The following IL1RAPL2 variants were observed in gnomAD, a reference collection of about 807,000 sequenced individuals.
The protein encoded by IL1RAPL2 is X-linked interleukin-1 receptor accessory protein-like 2.
A neutral mutation model predicts 44.1 loss-of-function variants in IL1RAPL2; 3 were observed. The observed-to-expected ratio is 0.07, with a 90% confidence interval of 0.03 to 0.18. The LOEUF (loss-of-function observed/expected upper bound fraction) is 0.18. Ranked by LOEUF, IL1RAPL2 falls within the 10% of genes least tolerant of loss-of-function variation. The pLI, the probability that IL1RAPL2 is intolerant of heterozygous loss-of-function variation, is 1.00. For missense variants in IL1RAPL2, 391 were observed against 496.4 expected (o/e 0.79, Z 2.02); for synonymous variants, 181 against 178.8 (o/e 1.01, Z -0.10).
Position 104,958,721 on chromosome X carries a change from TTTA to T in IL1RAPL2, c.83-236748_83-236746del, listed in dbSNP as rs200911486. 6.8e-4 allele frequency among the ~76,000 whole-genome samples: 73 copies of T among 107,983 alleles called. No homozygotes were observed. In the East Asian group the frequency reaches 0.02, roughly 30 times the overall value. The allele number at this position is 107,983 out of a possible 115,157, so 93.8% of individuals were successfully genotyped here. A position where few individuals can be genotyped will look rare whatever the true frequency, so the allele number is the denominator to read the frequency against. On this transcript the variant is annotated intron_variant, in intron 2 of 10. Transcript: ENST00000372582. The stretch of plus-strand genomic sequence containing the variant: ...AATGCATTATCAAAATTATTTAATT[TTTA>T]TTATTTATAGGCTTCTTATCAAGCC...
chrX:105,499,483 C>A (rs2147781668), intron 6 of IL1RAPL2, among the ~76,000 whole-genome samples: 1 of 111,305 alleles, frequency 9.0e-6, no homozygotes, highest in African/African-American at 3.3e-5. Context: ...TATTTGCAAG[C>A]CATATATTTA....
At chrX:104,860,521 T>C (rs1680044869) in intron 2 of IL1RAPL2, among the ~76,000 whole-genome samples, 1 of 111,505 alleles carries the variant, frequency 9.0e-6, no homozygotes, top group Non-Finnish European at 1.9e-5. Flanking sequence ...TCGTAGAACA[T>C]GCACAGAAAT....
At chrX:104,848,409 G>GTATA (rs35503754) in intron 2 of IL1RAPL2, among the ~76,000 whole-genome samples, 693 of 64,708 alleles carry the variant, frequency 0.011, 5 homozygotes, top group African/African-American at 0.013. Context: ...ATTTTTATCT[G>GTATA]TATATATATA....
intron 2 of IL1RAPL2, among the ~76,000 whole-genome samples, chrX:104,914,585 T>C (rs953028548): frequency 9.0e-6 from 1 of 111,305 alleles, no homozygotes; most frequent in Non-Finnish European, 1.9e-5. Context: ...TATTATTATA[T>C]TTTAAGTTTT....
At chrX:105,074,218 A>T (rs2147540731) in intron 2 of IL1RAPL2, among the ~76,000 whole-genome samples, 1 of 111,887 alleles carries the variant, frequency 8.9e-6, no homozygotes, top group South Asian at 3.7e-4. Flanking sequence ...TAATTTTTGT[A>T]TAAGGTGTAA....
chrX:104,582,602 TTCTTTCTTTCTTTC>T (rs1569487415), intron 1 of IL1RAPL2, among the ~76,000 whole-genome samples: 26,552 of 83,080 alleles, frequency 0.32, 3,760 homozygotes, highest in East Asian at 0.58. Context: ...TTCTTTTTCT[TTCTTTCTTTCTTTC>T]TTTCTTTCTT....
chrX:105,374,676 C>T (rs980823363), intron 5 of IL1RAPL2, among the ~76,000 whole-genome samples: 1 of 110,920 alleles, frequency 9.0e-6, no homozygotes, highest in Non-Finnish European at 1.9e-5. Context: ...AGGCCAGGCA[C>T]GGTGGCTTAT....
intron 1 of IL1RAPL2, among the ~76,000 whole-genome samples, chrX:104,582,822 C>CTTTCTCTCTCTTTCTT (rs748809592): frequency 4.9e-5 from 2 of 40,663 alleles, no homozygotes; most frequent in Non-Finnish European, 8.3e-5. Context: ...TCCTTTCTTT[C>CTTTCTCTCTCTTTCTT]TCTTTCTTTC....
rs370468908 is a variant in IL1RAPL2, at chrX:105,448,908, A to G, written c.698-35405A>G. ...TGCTTCATTTTAAAAAATTATTTCA[A>G]TTTCTTTGTTAAATTTATCTGATAG... On this transcript the variant is annotated intron_variant, in intron 5 of 10. Coordinates refer to ENST00000372582, the MANE Select transcript of IL1RAPL2 (RefSeq NM_017416.2). Among the ~76,000 whole-genome samples, 22 of 110,603 alleles carry G rather than the reference A, an allele frequency of 2.0e-4. No homozygotes were observed. In the East Asian group the frequency reaches 4.3e-3, roughly 22 times the overall value.
At chrX:105,291,843 A>G (rs931007583) in intron 5 of IL1RAPL2, among the ~76,000 whole-genome samples, 3 of 111,585 alleles carry the variant, frequency 2.7e-5, no homozygotes, top group Admixed American at 9.6e-5. Flanking sequence ...AAAAAACACA[A>G]TTTTGAACTG....
chrX:105,094,559 T>C (rs1040576211), intron 2 of IL1RAPL2, among the ~76,000 whole-genome samples: 1 of 111,701 alleles, frequency 9.0e-6, no homozygotes, highest in Non-Finnish European at 1.9e-5. Context: ...ATCTATCCTT[T>C]TGCCAGTATT....
At chrX:104,724,086 A>G (rs1374828177) in intron 2 of IL1RAPL2, among the ~76,000 whole-genome samples, 1 of 111,699 alleles carries the variant, frequency 9.0e-6, no homozygotes, top group Non-Finnish European at 1.9e-5. Context: ...TCAAAATCCT[A>G]AGAATTGAAC....
chrX:105,118,254 A>G (rs2032882522), intron 2 of IL1RAPL2, among the ~76,000 whole-genome samples: 1 of 112,460 alleles, frequency 8.9e-6, no homozygotes, highest in African/African-American at 3.2e-5. Context: ...ACAAAAAACC[A>G]CCAGAGAAGT....
chrX:104,937,426 C>A (rs1182407884), intron 2 of IL1RAPL2, among the ~76,000 whole-genome samples: 2 of 111,848 alleles, frequency 1.8e-5, no homozygotes, highest in African/African-American at 6.5e-5. Flanking sequence ...TGTATCTAGC[C>A]CAAGGATGGA....
At position 105,033,090 on chromosome X, in the gene IL1RAPL2, A is replaced by G. The variant is rs1008748581; in HGVS notation, c.83-162385A>G. On this transcript the variant is annotated intron_variant, in intron 2 of 10. Transcript: ENST00000372582. ...CCATTTGCTTGGTAGATCTTCCTCTATCCCTTTATTTTGTGGCTATGTGTG... is the reference window on the plus strand; with the variant it reads ...CCATTTGCTTGGTAGATCTTCCTCTGTCCCTTTATTTTGTGGCTATGTGTG... 7.9e-4 allele frequency among the ~76,000 whole-genome samples: 88 copies of G among 110,816 alleles called. 1 individual carries two copies. Among genetic ancestry groups the G allele is most frequent in the Non-Finnish European group, 6.0e-4 (32 of 52,985 alleles).
At chrX:104,761,911 CCTTCTCCTTCTCCTTCTTCTTCTTCTT>C (rs1569309870) in intron 2 of IL1RAPL2, among the ~76,000 whole-genome samples, 28 of 40,681 alleles carry the variant, frequency 6.9e-4, no homozygotes, top group Non-Finnish European at 8.3e-4. Flanking sequence ...TTCTCCTTCT[CCTTCTCCTTCTCCTTCTTCTTCTTCTT>C]CTTCTTCTTC....
At chrX:105,406,584 C>G (rs756291546) in intron 5 of IL1RAPL2, 2 of 1,186,498 alleles carry the variant, frequency 1.7e-6, no homozygotes, top group East Asian at 5.9e-5. Context: ...TTTGGACCTT[C>G]GATACATTAA....
chrX:105,458,711 C>G (rs945150714), intron 5 of IL1RAPL2, among the ~76,000 whole-genome samples: 1 of 111,679 alleles, frequency 9.0e-6, no homozygotes, highest in Admixed American at 9.5e-5. Context: ...TTGATGGTGT[C>G]ACCCGAGGCA....
intron 6 of IL1RAPL2, among the ~76,000 whole-genome samples, chrX:105,529,000 T>C (rs1407410177): frequency 9.0e-6 from 1 of 111,571 alleles, no homozygotes; most frequent in African/African-American, 3.3e-5. Flanking sequence ...TTGAGGACAA[T>C]TAACAAATAA....
Sources: allele counts gnomAD v4.1 joint callset (sites outside exome capture counted in the v4.1 genomes callset), GRCh38; gene constraint gnomAD v4.1.1; transcripts MANE v1.5; gene names NCBI Gene and HGNC (gene_info 2026-07-23, HGNC 2026-07-21).